CDH12: variants seen among roughly 807,000 people sequenced by gnomAD.
CDH12 encodes the protein cadherin-12.
CDH12 carries 41 observed loss-of-function variants against 74.1 expected under a neutral mutation model. The ratio of observed to expected loss-of-function variants is 0.55; its 90% CI spans 0.43 to 0.72. The LOEUF is 0.72. Ranked by LOEUF, CDH12 falls within the 30% of genes least tolerant of loss-of-function variation. The pLI, the probability that CDH12 is intolerant of heterozygous loss-of-function variation, is 0.00. For missense variants in CDH12, 945 were observed against 977.2 expected (o/e 0.97, Z 0.44); for synonymous variants, 399 against 355.0 (o/e 1.12, Z -1.39).
rs1008290325 is a variant in CDH12 at position 22,491,858 on chromosome 5, C to T, written c.-428+13412G>A. Among the ~76,000 whole-genome samples the T allele has an allele frequency of 3.9e-5, 6 of 152,074 alleles. No individual in the cohort carries two copies. In the East Asian group the frequency reaches 9.7e-4, roughly 25 times the overall value. On this transcript the variant is annotated intron_variant, in intron 2 of 14. Coordinates refer to ENST00000382254, the MANE Select transcript of CDH12 (RefSeq NM_004061.5). ...TGACAGCTCTGAGCAAAGGGCTGTT[C>T]GACTTCTCTGGTTTGTAGATGACCG...
chr5:21,882,702 T>G, intron 6 of CDH12: 1 of 1,499,642 alleles, frequency 6.7e-7, no homozygotes, highest in Non-Finnish European at 8.9e-7. Context: ...GCCCGAGCCT[T>G]AATGCTTCAA....
intron 3 of CDH12, among the ~76,000 whole-genome samples, chr5:22,289,744 AC>A (rs1053461258): frequency 8.5e-5 from 13 of 152,156 alleles, no homozygotes; most frequent in African/African-American, 3.1e-4. Context: ...CAAGAGAGAA[AC>A]GGTCTTCTTG....
chr5:22,369,630 T>G (rs1035616620), intron 3 of CDH12, among the ~76,000 whole-genome samples: 1 of 152,164 alleles, frequency 6.6e-6, no homozygotes, highest in African/African-American at 2.4e-5. Flanking sequence ...CATCAATACC[T>G]TTGAAGGACT....
intron 6 of CDH12, among the ~76,000 whole-genome samples, chr5:21,970,656 G>A (rs1312926056): frequency 3.3e-5 from 5 of 151,270 alleles, no homozygotes; most frequent in African/African-American, 1.2e-4. Flanking sequence ...CCTGGCCAAT[G>A]TGGCAAAACC....
At chr5:22,252,228 A>C (rs975688346) in intron 3 of CDH12, among the ~76,000 whole-genome samples, 1 of 152,108 alleles carries the variant, frequency 6.6e-6, no homozygotes, top group Admixed American at 6.6e-5. Flanking sequence ...TACTGTTGAT[A>C]ATCTAGTGTT....
At chr5:22,546,139 T>C (rs1487099510) in intron 1 of CDH12, among the ~76,000 whole-genome samples, 4 of 152,008 alleles carry the variant, frequency 2.6e-5, no homozygotes, top group Admixed American at 1.3e-4. Flanking sequence ...AGACACAGGG[T>C]TTCACTATGT....
intron 2 of CDH12, among the ~76,000 whole-genome samples, chr5:22,423,549 C>T (rs1458129692): frequency 6.6e-6 from 1 of 152,158 alleles, no homozygotes; most frequent in Non-Finnish European, 1.5e-5. Flanking sequence ...ATTCTTGTCT[C>T]ACAATTGTGT....
chr5:22,013,187 G>C (rs990657191), intron 5 of CDH12, among the ~76,000 whole-genome samples: 24 of 152,152 alleles, frequency 1.6e-4, no homozygotes, highest in Admixed American at 1.4e-3. Context: ...AGGAAGCTTA[G>C]GAAATCATAG....
At chr5:22,429,148 T>C (rs1744065899) in intron 2 of CDH12, among the ~76,000 whole-genome samples, 1 of 151,678 alleles carries the variant, frequency 6.6e-6, no homozygotes, top group African/African-American at 2.4e-5. Context: ...TATTTTATTT[T>C]CTAAGACAGG....
intron 1 of CDH12, among the ~76,000 whole-genome samples, chr5:22,831,503 G>A (rs1258560473): frequency 5.9e-5 from 9 of 151,732 alleles, no homozygotes; most frequent in Admixed American, 5.9e-4. Context: ...AAGGGATATG[G>A]CCAGTTCCTC....
At chr5:22,226,246 C>T (rs1347109548) in intron 3 of CDH12, among the ~76,000 whole-genome samples, 1 of 151,672 alleles carries the variant, frequency 6.6e-6, no homozygotes, top group African/African-American at 2.4e-5. Context: ...TGACCCTCCC[C>T]CTTGGATGAC....
intron 3 of CDH12, among the ~76,000 whole-genome samples, chr5:22,359,965 A>G (rs1379068917): frequency 6.6e-6 from 1 of 152,178 alleles, no homozygotes; most frequent in Non-Finnish European, 1.5e-5. Context: ...CTAAATGCCC[A>G]CAAAAGAAAG....
intron 1 of CDH12, among the ~76,000 whole-genome samples, chr5:22,750,517 GGATTAAAAATATTACAAGGTGTGA>G (rs1745511364): frequency 6.6e-6 from 1 of 152,040 alleles, no homozygotes; most frequent in South Asian, 2.1e-4. Flanking sequence ...TAAAACTAAA[GGATTAAAAATATTACAAGGTGTGA>G]GATATGGTAC....
intron 5 of CDH12, among the ~76,000 whole-genome samples, chr5:22,013,623 C>T (rs1737422897): frequency 6.6e-6 from 1 of 152,128 alleles, no homozygotes; most frequent in South Asian, 2.1e-4. Context: ...TCAGCTCATA[C>T]TGGCTGTGGT....
At chr5:21,870,112 G>A (rs186971691) in intron 6 of CDH12, among the ~76,000 whole-genome samples, 1 of 152,306 alleles carries the variant, frequency 6.6e-6, no homozygotes, top group Admixed American at 6.5e-5. Context: ...CATGTAAGAA[G>A]TGACTTGCTC....
intron 4 of CDH12, among the ~76,000 whole-genome samples, chr5:22,138,845 A>ATAATATATATATATATATAT (rs1746612743): frequency 1.3e-5 from 1 of 76,552 alleles, no homozygotes; most frequent in Non-Finnish European, 2.7e-5. Flanking sequence ...ATATATACGT[A>ATAATATATATATATATATAT]ATATATATAT....
chr5:22,674,189 C>T lies in CDH12; in HGVS notation c.-522-168825G>A, dbSNP rs148929399. Among the ~76,000 whole-genome samples, 22 of 152,274 alleles carry T rather than the reference C, an allele frequency of 1.4e-4. No homozygotes were observed. The East Asian group carries it at 4.3e-3, about 29-fold the overall frequency. ...GACTTCATATGGTTTGGCTATGCCT[C>T]CACCCAAATCTCATCTTGAATTCTG... On this transcript the variant is annotated intron_variant, in intron 1 of 14. Coordinates refer to ENST00000382254, the MANE Select transcript of CDH12 (RefSeq NM_004061.5).
intron 2 of CDH12, among the ~76,000 whole-genome samples, chr5:22,472,011 C>T (rs1335533270): frequency 6.6e-6 from 1 of 152,108 alleles, no homozygotes; most frequent in East Asian, 1.9e-4. Context: ...TAGAAAATTA[C>T]TGAGAGGAGA....
chr5:22,617,497 C>G (rs1449611563), intron 1 of CDH12, among the ~76,000 whole-genome samples: 6 of 152,066 alleles, frequency 3.9e-5, no homozygotes, highest in Admixed American at 3.9e-4. Flanking sequence ...CATGAGGTTT[C>G]CATCCATAAA....
Sources: gnomAD v4.1 joint callset for allele counts (sites outside exome capture counted in the v4.1 genomes callset) on GRCh38, gnomAD v4.1.1 for gene constraint, MANE v1.5 for transcripts, NCBI Gene and HGNC (gene_info 2026-07-23, HGNC 2026-07-21) for gene names.